The following DIO1 variants were observed in gnomAD, a reference collection of about 807,000 sequenced individuals.
The protein encoded by DIO1 is iodothyronine deiodinase 1.
A neutral mutation model predicts 25.9 loss-of-function variants in DIO1; 17 were observed. The ratio of observed to expected loss-of-function variants is 0.66; its 90% CI spans 0.45 to 0.98. DIO1 has a LOEUF of 0.98. Ranked by LOEUF, DIO1 falls within the 50% of genes least tolerant of loss-of-function variation. The pLI, the probability that DIO1 is intolerant of heterozygous loss-of-function variation, is 0.00. For synonymous variants in DIO1, 115 were observed against 114.0 expected, an observed-to-expected ratio of 1.01 and a Z score of -0.05; for missense variants, 270 against 310.4, an observed-to-expected ratio of 0.87 and a Z score of 0.98.
Position 53,898,702 on chromosome 1 carries a change from G to A in DIO1, c.337+4155G>A, listed in dbSNP as rs6666408. On this transcript the variant is annotated intron_variant, in intron 1 of 3. Coordinates refer to ENST00000361921, the MANE Select transcript of DIO1 (RefSeq NM_000792.7). ...GGAGTTTGTAGTGAGCTGAGATTGC[G>A]CCACTGCACTCCAGCCTGGGCAACA... is the stretch of plus-strand genomic sequence containing the variant. 9.1e-3 allele frequency among the ~76,000 whole-genome samples: 1,271 copies of A among 140,250 alleles called. 27 individuals are homozygous for A. The highest frequency in any genetic ancestry group is 0.033 in the African/African-American group (1,200 of 36,500). 92.0% of individuals were successfully genotyped at this position (140,250 alleles called of 152,430 possible).
rs954065733 is a variant in DIO1 at position 53,910,139 on chromosome 1, C to A, written c.*140C>A. 3 of 701,430 alleles carry A rather than the reference C, an allele frequency of 4.3e-6. No homozygotes were observed. The African/African-American group carries it at 5.3e-5, about 12-fold the overall frequency. 43.5% of individuals were successfully genotyped at this position (701,430 alleles called of 1,614,324 possible). ...CTCAGATTTTTCTGATCTAAGCAAA[C>A]AACTCCCAGCTGAGGAATGCAGGCC... On this transcript the variant is annotated 3_prime_UTR_variant, in exon 4 of 4. Coordinates refer to ENST00000361921, the MANE Select transcript of DIO1 (RefSeq NM_000792.7).
chr1:53,904,635 T>C, intron 1 of DIO1, 31 bp from the exon 2 acceptor site: 1 of 1,605,732 alleles, frequency 6.2e-7, no homozygotes, highest in Non-Finnish European at 8.5e-7. Flanking sequence ...GTGTGTAGGG[T>C]CTCAGTTTGT....
Position 53,894,794 on chromosome 1 carries a change from C to G in DIO1, c.337+247C>G, listed in dbSNP as rs11588118. ...GCATTTCAGCCCCTGGAACACTGCT[C>G]TTACTGTACAGGCTGATCTGCCTGG... On this transcript the variant is annotated intron_variant, in intron 1 of 3. Coordinates refer to ENST00000361921, the MANE Select transcript of DIO1 (RefSeq NM_000792.7). The surrounding 1 kb of genome is among the most constrained non-coding windows in gnomAD (Gnocchi z 4.9). 0.37 allele frequency among the ~76,000 whole-genome samples: 55,766 copies of G among 151,940 alleles called. 10,510 individuals are homozygous for G. Among genetic ancestry groups the G allele is most frequent in the East Asian group, 0.57 (2,920 of 5,148 alleles).
In DIO1 at chr1:53,906,265, A is replaced by C; in HGVS notation, c.652A>C (p.Ile218Leu). 6.2e-7 allele frequency: 1 copy of C among 1,613,700 alleles called. No homozygotes were observed. Among genetic ancestry groups the C allele is most frequent in the South Asian group, 1.1e-5 (1 of 91,006 alleles). ...CGCAGCACTGCCTGAGAGGCTCTACATAATCCAGGAGGGCAGGATCCTCTA... is the reference window on the plus strand; with the variant it reads ...CGCAGCACTGCCTGAGAGGCTCTACCTAATCCAGGAGGGCAGGATCCTCTA... ...LYAALPERLY[I>L]IQEGRILYKG... The change falls in exon 3 of 4, where the codon ATA becomes CTA. Residue 218 changes from isoleucine (I) to leucine (L), a missense_variant. Coordinates refer to ENST00000361921, the MANE Select transcript of DIO1 (RefSeq NM_000792.7).
chr1:53,909,886 G>A, intron 3 of DIO1, 45 bp from the exon 4 acceptor site: 3 of 1,593,146 alleles, frequency 1.9e-6, no homozygotes, highest in Non-Finnish European at 2.6e-6. Flanking sequence ...CTTACAACTT[G>A]GAAATCCTTA....
At chr1:53,898,508 G>A (rs1166225507) in intron 1 of DIO1, among the ~76,000 whole-genome samples, 1 of 152,100 alleles carries the variant, frequency 6.6e-6, no homozygotes, top group Non-Finnish European at 1.5e-5. Context: ...ACTTTGGGAG[G>A]CCGAGGCCAG....
chr1:53,904,305 T>TG, intron 1 of DIO1, among the ~76,000 whole-genome samples: 1 of 152,154 alleles, frequency 6.6e-6, no homozygotes, highest in East Asian at 1.9e-4. Context: ...GTCTATAAAA[T>TG]GGGGGGAAAA....
intron 1 of DIO1, chr1:53,903,275 T>G (rs574373360): frequency 6.6e-6 from 1 of 151,914 alleles, no homozygotes; most frequent in East Asian, 1.9e-4. Context: ...AGGTACCTAG[T>G]ATGTTCCTTA....
In DIO1 at chr1:53,894,532, T is replaced by A; in HGVS notation, c.322T>A (p.Trp108Arg). The A allele has an allele frequency of 6.2e-7, 1 of 1,613,672 alleles. No individual in the cohort carries two copies. The highest frequency in any genetic ancestry group is 8.5e-7 in the Non-Finnish European group (1 of 1,179,744). Residue 108 changes from tryptophan to arginine, a missense_variant, in exon 1 of 4, where the codon TGG becomes AGG. By Grantham distance (101) the Trp-to-Arg change is moderately radical (BLOSUM62 -3). Coordinates refer to ENST00000361921, the MANE Select transcript of DIO1 (RefSeq NM_000792.7). The surrounding 1 kb of genome is among the most constrained non-coding windows in gnomAD (Gnocchi z 4.9). The part of the protein sequence containing the change: ...VRLSGQRCNI[W>R]EFMQGNRPLV... ...CCTCTCAGGACAGAGGTGCAACATT[T>A]GGGAGTTTATGCAAGGTCAGGAGGC...
intron 1 of DIO1, among the ~76,000 whole-genome samples, chr1:53,904,395 G>T (rs192033265): frequency 2.6e-5 from 4 of 152,106 alleles, no homozygotes; most frequent in Non-Finnish European, 4.4e-5. Context: ...GCATGAAAGG[G>T]ACTCCTCTTA....
chr1:53,904,840 C>T (rs1651567583), intron 2 of DIO1, 31 bp downstream of exon 2: 2 of 1,594,710 alleles, frequency 1.3e-6, no homozygotes, highest in Non-Finnish European at 1.7e-6. Context: ...TCTTCTACCT[C>T]TTCCCACTGT....
chr1:53,903,780 C>T (rs555983842), intron 1 of DIO1, among the ~76,000 whole-genome samples: 7 of 151,950 alleles, frequency 4.6e-5, no homozygotes, highest in East Asian at 3.9e-4. Flanking sequence ...ACCCCGGAGG[C>T]GGAGTTTGCA....
intron 2 of DIO1, 107 bp from the exon 3 acceptor site, chr1:53,905,988 T>C: frequency 5.8e-6 from 6 of 1,037,204 alleles, no homozygotes; most frequent in East Asian, 2.6e-5. Flanking sequence ...GGCCAAATCA[T>C]TGCCAAGGGC....
At chr1:53,902,032 G>C (rs765202018) in intron 1 of DIO1, among the ~76,000 whole-genome samples, 8 of 149,302 alleles carry the variant, frequency 5.4e-5, no homozygotes, top group Non-Finnish European at 1.2e-4. Flanking sequence ...GCCTGCTCTG[G>C]TCCATCCCTA....
At chr1:53,905,866 C>T (rs964552282) in intron 2 of DIO1, among the ~76,000 whole-genome samples, 4 of 152,204 alleles carry the variant, frequency 2.6e-5, no homozygotes, top group African/African-American at 9.6e-5. Flanking sequence ...GTTTATTGGA[C>T]TATTTCACGT....
At chr1:53,900,687 T>C (rs1036121287) in intron 1 of DIO1, among the ~76,000 whole-genome samples, 1 of 152,000 alleles carries the variant, frequency 6.6e-6, no homozygotes, top group African/African-American at 2.4e-5. Context: ...ACAGAGGGGG[T>C]ATAGTTAACC....
intron 1 of DIO1, among the ~76,000 whole-genome samples, chr1:53,901,432 G>A (rs951532439): frequency 1.2e-4 from 18 of 152,196 alleles, no homozygotes; most frequent in African/African-American, 4.1e-4. Flanking sequence ...AGTTGGGCCT[G>A]GATCCTGCTG....
intron 2 of DIO1, 114 bp from the exon 3 acceptor site, chr1:53,905,981 C>A: frequency 1.0e-6 from 1 of 970,196 alleles, no homozygotes; most frequent in Non-Finnish European, 1.6e-6. Context: ...GAAACCAGGC[C>A]AAATCATTGC....
At chr1:53,895,456 C>G (rs1651024009) in intron 1 of DIO1, among the ~76,000 whole-genome samples, 1 of 152,172 alleles carries the variant, frequency 6.6e-6, no homozygotes, top group Non-Finnish European at 1.5e-5. Context: ...CTCTCTCTAA[C>G]TCCATCCACT....
Sources: allele counts gnomAD v4.1 joint callset (sites outside exome capture counted in the v4.1 genomes callset), GRCh38; gene constraint gnomAD v4.1.1; non-coding constraint Gnocchi (gnomAD v3.1); transcripts MANE v1.5; gene names NCBI Gene and HGNC (gene_info 2026-07-23, HGNC 2026-07-21).